The following ROCK2 variants were observed in gnomAD, a reference collection of about 807,000 sequenced individuals.
The protein encoded by ROCK2 is rho-associated protein kinase 2.
ROCK2 carries 61 observed loss-of-function variants against 195.1 expected under a neutral mutation model. The ratio of observed to expected loss-of-function variants is 0.31; its 90% CI spans 0.25 to 0.39. ROCK2 has a LOEUF of 0.39. Among genes scored for constraint, ROCK2 ranks in the 10% least tolerant of loss-of-function variants. The pLI is 1.00. For synonymous variants in ROCK2, 504 were observed against 545.5 expected, an observed-to-expected ratio of 0.92 and a Z score of 1.06; for missense variants, 1,109 against 1,637.4, an observed-to-expected ratio of 0.68 and a Z score of 5.57.
chr2:11,219,465 C>T (rs1199898007), intron 9 of ROCK2, among the ~76,000 whole-genome samples: 3 of 151,796 alleles, frequency 2.0e-5, no homozygotes, highest in East Asian at 3.9e-4. Flanking sequence ...GAGCTGAGAT[C>T]GCACCACTGC....
chr2:11,289,721 T>C (rs1264015500), intron 1 of ROCK2, among the ~76,000 whole-genome samples: 1 of 152,182 alleles, frequency 6.6e-6, no homozygotes, highest in Admixed American at 6.5e-5. Flanking sequence ...TTGACATTAA[T>C]AAAAGAATGA....
At chr2:11,302,902 A>G (rs774883465) in intron 1 of ROCK2, among the ~76,000 whole-genome samples, 18 of 152,106 alleles carry the variant, frequency 1.2e-4, no homozygotes, top group Non-Finnish European at 1.8e-4. Flanking sequence ...CTCACATTAT[A>G]TATCTATTGA....
chr2:11,308,603 G>A (rs1667936643), intron 1 of ROCK2: 1 of 1,486,172 alleles, frequency 6.7e-7, no homozygotes, highest in Admixed American at 1.7e-5. Flanking sequence ...TAGTGTAAAG[G>A]ATCTGAATGG....
chr2:11,264,627 C>T (rs1455548143), intron 3 of ROCK2, among the ~76,000 whole-genome samples: 1 of 152,036 alleles, frequency 6.6e-6, no homozygotes, highest in African/African-American at 2.4e-5. Flanking sequence ...TAGAAAGTTC[C>T]GAGCAGTAAC....
intron 6 of ROCK2, among the ~76,000 whole-genome samples, chr2:11,226,744 C>T (rs1664823647): frequency 1.3e-5 from 2 of 151,298 alleles, no homozygotes; most frequent in South Asian, 4.2e-4. Flanking sequence ...AGACCACTCC[C>T]TACAAAAAAT....
At chr2:11,338,354 T>TA (rs1477175843) in intron 1 of ROCK2, among the ~76,000 whole-genome samples, 2 of 151,858 alleles carry the variant, frequency 1.3e-5, no homozygotes, top group Non-Finnish European at 2.9e-5. Context: ...CTCCATATTT[T>TA]AAAAAAATCA....
rs765362408 is a variant in ROCK2, at chr2:11,193,860, A to AC, written c.3609-4_3609-3insG. ...CTGGTCGGACATGAAATAACTTGCT[A>AC]TAAAAAATTTTGAATAAAGGAATAA... On this transcript the variant is annotated splice_polypyrimidine_tract_variant and splice_region_variant and intron_variant, in intron 29 of 32. Coordinates refer to ENST00000315872, the MANE Select transcript of ROCK2 (RefSeq NM_004850.5). 3 of 1,577,050 alleles carry AC rather than the reference A, an allele frequency of 1.9e-6. No homozygotes were observed. The highest frequency in any genetic ancestry group is 2.6e-6 in the Non-Finnish European group (3 of 1,152,734).
At chr2:11,221,469 A>C (rs1213564153) in intron 8 of ROCK2, 112 bp from the exon 9 acceptor site, 1 of 726,190 alleles carries the variant, frequency 1.4e-6, no homozygotes, top group African/African-American at 1.9e-5. Context: ...AATTTGTAGC[A>C]GCGCATTTGC....
chr2:11,284,161 C>T (rs1208151606), intron 3 of ROCK2, among the ~76,000 whole-genome samples: 1 of 152,078 alleles, frequency 6.6e-6, no homozygotes, highest in Non-Finnish European at 1.5e-5. Flanking sequence ...GAAAAGGTTG[C>T]ATACTGTATG....
At chr2:11,286,152 G>A (rs539372608) in intron 3 of ROCK2, among the ~76,000 whole-genome samples, 1 of 147,656 alleles carries the variant, frequency 6.8e-6, no homozygotes, top group African/African-American at 2.5e-5. Flanking sequence ...AGTATGGCCT[G>A]CGAAAATAAA....
At chr2:11,340,609 T>C (rs1450676646) in intron 1 of ROCK2, among the ~76,000 whole-genome samples, 2 of 152,226 alleles carry the variant, frequency 1.3e-5, no homozygotes, top group Admixed American at 6.5e-5. Flanking sequence ...TTCATTTTTA[T>C]TGTATCTTTA....
Position 11,315,517 on chromosome 2 carries a change from T to C in ROCK2, c.142-27781A>G, listed in dbSNP as rs994748357. ...GAGTCGGCATAATATAAGTTTTAAT[T>C]GTTTACTCTTTACATTTTCCAGTTT... On this transcript the variant is annotated intron_variant, in intron 1 of 32. Transcript: ENST00000315872. Among the ~76,000 whole-genome samples the C allele has an allele frequency of 2.6e-5, 4 of 152,080 alleles. No individual in the cohort carries two copies. The South Asian group carries it at 8.3e-4, about 31-fold the overall frequency.
chr2:11,195,751 G>A (rs1269348245), intron 27 of ROCK2, among the ~76,000 whole-genome samples: 1 of 152,178 alleles, frequency 6.6e-6, no homozygotes, highest in Non-Finnish European at 1.5e-5. Flanking sequence ...CTGACCTCAG[G>A]TGATCTGTCT....
chr2:11,186,068 T>C (rs1199522716), intron 32 of ROCK2, among the ~76,000 whole-genome samples: 1 of 152,216 alleles, frequency 6.6e-6, no homozygotes, highest in Non-Finnish European at 1.5e-5. Context: ...ACTGACAGAA[T>C]AGGTTAATGG....
chr2:11,248,365 T>C (rs546960587), intron 4 of ROCK2, among the ~76,000 whole-genome samples: 2 of 151,954 alleles, frequency 1.3e-5, no homozygotes, highest in African/African-American at 2.4e-5. Flanking sequence ...TACTTACTAG[T>C]ATAAAAAAAA....
At chr2:11,302,521 T>C (rs1017928547) in intron 1 of ROCK2, among the ~76,000 whole-genome samples, 1 of 152,152 alleles carries the variant, frequency 6.6e-6, no homozygotes, top group Non-Finnish European at 1.5e-5. Flanking sequence ...TTGGAATACT[T>C]TGCCCCATCG....
At chr2:11,261,836 G>C (rs1045272648) in intron 3 of ROCK2, among the ~76,000 whole-genome samples, 3 of 152,080 alleles carry the variant, frequency 2.0e-5, no homozygotes, top group Non-Finnish European at 2.9e-5. Context: ...AATAAATAAA[G>C]AAAGAAGTAG....
At chr2:11,278,916 T>C (rs1444124201) in intron 3 of ROCK2, among the ~76,000 whole-genome samples, 1 of 151,986 alleles carries the variant, frequency 6.6e-6, no homozygotes. Context: ...GCCCAGCTGG[T>C]GGTTTTATTT....
intron 3 of ROCK2, among the ~76,000 whole-genome samples, chr2:11,252,638 C>A (rs1665875716): frequency 6.6e-6 from 1 of 152,114 alleles, no homozygotes; most frequent in Non-Finnish European, 1.5e-5. Flanking sequence ...AGGATGAGTT[C>A]ATGTCCTCTG....
Sources: allele counts gnomAD v4.1 joint callset (sites outside exome capture counted in the v4.1 genomes callset), GRCh38; gene constraint gnomAD v4.1.1; transcripts MANE v1.5; gene names NCBI Gene and HGNC (gene_info 2026-07-23, HGNC 2026-07-21).